SUCO: variants seen among roughly 807,000 people sequenced by gnomAD.
The protein encoded by SUCO is SUN domain containing ossification factor, also known as SUN domain-containing ossification factor.
SUCO carries 57 observed loss-of-function variants against 148.1 expected under a neutral mutation model. The observed-to-expected ratio is 0.38, with a 90% CI of 0.31 to 0.48. The LOEUF is 0.48. SUCO is among the 20% of genes least tolerant of loss of function. SUCO has a pLI of 0.96. For missense variants in SUCO, 1,331 were observed against 1,468.2 expected (o/e 0.91, Z 1.53); for synonymous variants, 470 against 502.7 (o/e 0.93, Z 0.87).
At chr1:172,562,420 G>A (rs1379928899) in intron 6 of SUCO, among the ~76,000 whole-genome samples, 1 of 147,172 alleles carries the variant, frequency 6.8e-6, no homozygotes, top group African/African-American at 2.5e-5. Context: ...TGCAACCTCC[G>A]CCTCCCGGGT....
At position 172,610,305 on chromosome 1, in the gene SUCO, T is replaced by A; in HGVS notation, c.*46T>A. 2.0e-6 allele frequency: 3 copies of A among 1,528,494 alleles called. No individual in the cohort carries two copies. Among genetic ancestry groups the A allele is most frequent in the South Asian group, 2.7e-5 (2 of 74,966 alleles). The allele number at this position is 1,528,494 out of a possible 1,614,324, so 94.7% of individuals were successfully genotyped here. A position where few individuals can be genotyped will look rare whatever the true frequency, so the allele number is the denominator to read the frequency against. On this transcript the variant is annotated 3_prime_UTR_variant, in exon 24 of 24. Transcript: ENST00000263688. ...CAGAAGACTTTTTTGTTGTTGTTCT[T>A]TGAAGAACAGTCTGTAGTATTTGAA... is the stretch of plus-strand genomic sequence containing the variant.
intron 19 of SUCO, among the ~76,000 whole-genome samples, chr1:172,592,104 T>C (rs1305945130): frequency 6.6e-6 from 1 of 152,246 alleles, no homozygotes; most frequent in Admixed American, 6.5e-5. Context: ...GTTCATATCC[T>C]TTCCCTACTT....
intron 22 of SUCO, chr1:172,608,487 A>G: frequency 2.2e-6 from 1 of 456,110 alleles, no homozygotes; most frequent in Non-Finnish European, 3.9e-6. Flanking sequence ...ATAACCAGCT[A>G]CTAGTTAACA....
At chr1:172,544,762 A>G (rs1652736960) in intron 1 of SUCO, among the ~76,000 whole-genome samples, 1 of 152,206 alleles carries the variant, frequency 6.6e-6, no homozygotes, top group Non-Finnish European at 1.5e-5. Context: ...GTAGAATTTT[A>G]GAGATTTTTA....
chr1:172,556,874 A>G (rs1339270869), intron 4 of SUCO: 1 of 878,200 alleles, frequency 1.1e-6, no homozygotes, highest in Non-Finnish European at 1.4e-6. Flanking sequence ...TGAGGCAGGG[A>G]AAAATAGGAA....
rs550139081 is a variant in SUCO, at chr1:172,597,276, T to C, written c.2914-2788T>C. On this transcript the variant is annotated intron_variant, in intron 19 of 23. Transcript: ENST00000263688. ...CCGCCCTGCTTTGGCTCACACTCCA[T>C]GGGCTGCACCCACTGTCCAACAAGC... Among the ~76,000 whole-genome samples, 11 of 152,358 alleles carry C rather than the reference T, an allele frequency of 7.2e-5. No homozygotes were observed. The East Asian group carries it at 1.9e-3, about 27-fold the overall frequency.
At chr1:172,536,339 C>CT (rs1319699435) in intron 1 of SUCO, among the ~76,000 whole-genome samples, 1 of 152,126 alleles carries the variant, frequency 6.6e-6, no homozygotes, top group Non-Finnish European at 1.5e-5. Flanking sequence ...TATGTAACTT[C>CT]TTTGAACCTT....
chr1:172,569,748 A>G (rs532515485), intron 7 of SUCO, among the ~76,000 whole-genome samples: 28 of 152,252 alleles, frequency 1.8e-4, no homozygotes, highest in African/African-American at 6.7e-4. Flanking sequence ...AGATGTTTAT[A>G]ATAGATATAA....
intron 19 of SUCO, among the ~76,000 whole-genome samples, chr1:172,597,266 T>C (rs1408014091): frequency 6.6e-6 from 1 of 152,226 alleles, no homozygotes; most frequent in Non-Finnish European, 1.5e-5. Flanking sequence ...CTGCTTTGGC[T>C]CACACTCCAT....
Position 172,610,509 on chromosome 1 carries a change from T to G in SUCO, c.*250T>G. 2.5e-6 allele frequency: 1 copy of G among 400,412 alleles called. No individual in the cohort carries two copies. The highest frequency in any genetic ancestry group is 4.0e-6 in the Non-Finnish European group (1 of 247,716). The allele number at this position is 400,412 out of a possible 1,614,324, so 24.8% of individuals were successfully genotyped here. ...TTATAAAGATGTTTTTTCACAAGAT[T>G]AATTACTGGGACAAAAGTAATTTGG... is the stretch of plus-strand genomic sequence containing the variant. On this transcript the variant is annotated 3_prime_UTR_variant, in exon 24 of 24. Coordinates refer to ENST00000263688, the MANE Select transcript of SUCO (RefSeq NM_014283.5).
At position 172,553,413 on chromosome 1, in the gene SUCO, A is replaced by G. The variant is rs144326732; in HGVS notation, c.288+43A>G. The G allele has an allele frequency of 1.9e-4, 260 of 1,384,414 alleles. 1 individual carries two copies. Among genetic ancestry groups the G allele is most frequent in the Non-Finnish European group, 2.3e-4 (234 of 1,002,974 alleles). The allele number at this position is 1,384,414 out of a possible 1,614,324, so 85.8% of individuals were successfully genotyped here. A position where few individuals can be genotyped will look rare whatever the true frequency, so the allele number is the denominator to read the frequency against. ...GATTTTCAATAATATGTCATTTCAA[A>G]CTACTTTACAAGATTGAAAACCTTT... On this transcript the variant is annotated intron_variant, in intron 3 of 23. Transcript: ENST00000263688.
chr1:172,532,393 T>TA (rs1651646900), upstream of SUCO: 4 of 1,112,262 alleles, frequency 3.6e-6, no homozygotes, highest in South Asian at 6.2e-5. Context: ...GAAGCACACT[T>TA]AAAGTGAGGA....
chr1:172,604,788 G>C (rs564950979), intron 22 of SUCO, among the ~76,000 whole-genome samples: 1 of 151,846 alleles, frequency 6.6e-6, no homozygotes, highest in Admixed American at 6.6e-5. Context: ...TCTGTGATTG[G>C]CTTATTTCAC....
At chr1:172,553,080 A>G in intron 2 of SUCO, 180 bp from the exon 3 acceptor site, 1 of 285,442 alleles carries the variant, frequency 3.5e-6, no homozygotes, top group Non-Finnish European at 5.3e-6. Flanking sequence ...TAAATGTTGT[A>G]GCAATGAGGG....
chr1:172,602,671 A>C, intron 21 of SUCO, 25 bp from the exon 22 acceptor site: 1 of 1,607,360 alleles, frequency 6.2e-7, no homozygotes, highest in Non-Finnish European at 8.5e-7. Flanking sequence ...GTTGTAACCA[A>C]TATGTATTTT....
At chr1:172,577,718 A>T in intron 12 of SUCO, 46 bp from the exon 13 acceptor site, 1 of 1,592,306 alleles carries the variant, frequency 6.3e-7, no homozygotes, top group Non-Finnish European at 8.6e-7. Context: ...AGATAATCTT[A>T]CATGCTCTCT....
chr1:172,572,696 TAAAAAAAAAAAAAAAAAAAA>T lies in SUCO; in HGVS notation c.1050-1184_1050-1165del, dbSNP rs61248782. On this transcript the variant is annotated intron_variant, in intron 9 of 23. Transcript: ENST00000263688. ...GTGAGAAACACCCAAGAATGATCAA[TAAAAAAAAAAAAAAAAAAAA>T]AAAAAAAAAAGAATAAGGGGGCAGT... 6.0e-5 allele frequency among the ~76,000 whole-genome samples: 3 copies of T among 49,606 alleles called. No homozygotes were observed. The Admixed American group carries it at 9.2e-4, about 15-fold the overall frequency. The allele number at this position is 49,606 out of a possible 152,430, so 32.5% of individuals were successfully genotyped here. A position where few individuals can be genotyped will look rare whatever the true frequency, so the allele number is the denominator to read the frequency against.
chr1:172,553,858 T>C (rs753126079), intron 3 of SUCO, among the ~76,000 whole-genome samples: 1 of 152,208 alleles, frequency 6.6e-6, no homozygotes, highest in Non-Finnish European at 1.5e-5. Flanking sequence ...CACCAGACTT[T>C]ATGAAAAATA....
chr1:172,563,913 C>T (rs1031382410), intron 6 of SUCO, among the ~76,000 whole-genome samples: 5 of 152,210 alleles, frequency 3.3e-5, no homozygotes, highest in South Asian at 2.1e-4. Flanking sequence ...GTGCAGCCTC[C>T]GGACATGGCA....
Sources: allele counts gnomAD v4.1 joint callset (sites outside exome capture counted in the v4.1 genomes callset), GRCh38; gene constraint gnomAD v4.1.1; transcripts MANE v1.5; gene names NCBI Gene and HGNC (gene_info 2026-07-23, HGNC 2026-07-21).